RNF130: variants seen among roughly 807,000 people sequenced by gnomAD.
RNF130 encodes ring finger protein 130.
RNF130 carries 21 observed loss-of-function variants against 44.6 expected under a neutral mutation model. The ratio of observed to expected loss-of-function variants is 0.47; its 90% CI spans 0.33 to 0.68. The LOEUF (loss-of-function observed/expected upper bound fraction) is 0.68. RNF130 is among the 30% of genes least tolerant of loss of function. RNF130 has a pLI of 0.02. For synonymous variants in RNF130, 214 were observed against 210.4 expected (o/e 1.02, Z -0.15); for missense variants, 479 against 560.6 (o/e 0.85, Z 1.47).
chr5:179,988,633 T>C (rs1394693872), intron 3 of RNF130, among the ~76,000 whole-genome samples: 1 of 152,236 alleles, frequency 6.6e-6, no homozygotes, highest in African/African-American at 2.4e-5. Context: ...ACTTAAGAAA[T>C]ATCTCTTAAT....
At chr5:179,957,895 T>TG (rs1491280749) in intron 8 of RNF130, among the ~76,000 whole-genome samples, 1 of 135,458 alleles carries the variant, frequency 7.4e-6, no homozygotes, top group Non-Finnish European at 1.6e-5. Context: ...TTTTTTTTTT[T>TG]GAGACGGAGT....
intron 3 of RNF130, among the ~76,000 whole-genome samples, chr5:180,010,955 T>C (rs1763581262): frequency 6.6e-6 from 1 of 152,166 alleles, no homozygotes; most frequent in South Asian, 2.1e-4. Context: ...GTGGATTGCA[T>C]CCATGCCAAT....
At chr5:179,930,140 C>T (rs2113675308) in intron 7 of RNF130, among the ~76,000 whole-genome samples, 2 of 152,252 alleles carry the variant, frequency 1.3e-5, no homozygotes, top group Middle Eastern at 3.4e-3. Flanking sequence ...TCACTGCGAC[C>T]TCTGCCCCCC....
At chr5:180,038,041 G>A (rs1764288545) in intron 2 of RNF130, among the ~76,000 whole-genome samples, 1 of 152,094 alleles carries the variant, frequency 6.6e-6, no homozygotes, top group Non-Finnish European at 1.5e-5. Context: ...AAATAAAACA[G>A]GGTTTTTTGT....
chr5:180,042,646 C>A (rs77430120), intron 1 of RNF130, among the ~76,000 whole-genome samples: 1 of 152,150 alleles, frequency 6.6e-6, no homozygotes, highest in Non-Finnish European at 1.5e-5. Context: ...TGTATCCAAA[C>A]GGGGAATAAC....
In RNF130 at chr5:180,006,509, T is replaced by C. The variant is rs190909744; in HGVS notation, c.693+6552A>G. On this transcript the variant is annotated intron_variant, in intron 3 of 8. Coordinates refer to ENST00000521389, the MANE Select transcript of RNF130 (RefSeq NM_018434.6). ...CTGAGATACTTATAAAGTCAAAGAATATTATATACACATGTTATGGCAAGA... is the reference window on the plus strand; with the variant it reads ...CTGAGATACTTATAAAGTCAAAGAACATTATATACACATGTTATGGCAAGA... Among the ~76,000 whole-genome samples the C allele has an allele frequency of 1.2e-3, 185 of 152,318 alleles. 2 individuals carry two copies. Among genetic ancestry groups the C allele is most frequent in the Non-Finnish European group, 2.2e-3 (149 of 68,020 alleles).
At chr5:180,060,287 A>T (rs1489472802) in intron 1 of RNF130, among the ~76,000 whole-genome samples, 1 of 152,222 alleles carries the variant, frequency 6.6e-6, no homozygotes, top group Non-Finnish European at 1.5e-5. Flanking sequence ...CTGCGGCAAT[A>T]AGAAACTAAC....
chr5:179,928,517 C>T (rs577520326), intron 7 of RNF130, among the ~76,000 whole-genome samples: 15 of 152,140 alleles, frequency 9.9e-5, no homozygotes, highest in Admixed American at 3.3e-4. Flanking sequence ...GTTTCTTTTG[C>T]TCATTTTCCC....
intron 1 of RNF130, among the ~76,000 whole-genome samples, chr5:180,061,357 C>CT (rs1764981037): frequency 1.3e-5 from 2 of 152,326 alleles, no homozygotes; most frequent in South Asian, 4.1e-4. Flanking sequence ...GCTGGCAAAG[C>CT]TAACCCTGCA....
intron 7 of RNF130, among the ~76,000 whole-genome samples, chr5:179,966,253 T>C (rs1245183614): frequency 6.6e-6 from 1 of 152,128 alleles, no homozygotes; most frequent in African/African-American, 2.4e-5. Flanking sequence ...AGATTGTCCT[T>C]TGGCTTTTCT....
intron 7 of RNF130, among the ~76,000 whole-genome samples, chr5:179,935,608 A>G (rs1761878756): frequency 6.6e-6 from 1 of 152,106 alleles, no homozygotes; most frequent in African/African-American, 2.4e-5. Context: ...ACTTAAATCC[A>G]TAATTACATT....
At chr5:180,043,298 C>T (rs1764471636) in intron 1 of RNF130, among the ~76,000 whole-genome samples, 1 of 152,198 alleles carries the variant, frequency 6.6e-6, no homozygotes, top group Non-Finnish European at 1.5e-5. Flanking sequence ...GCACTCCAGC[C>T]TGGGTGACAG....
intron 2 of RNF130, among the ~76,000 whole-genome samples, chr5:180,032,536 T>TC (rs1206559895): frequency 6.6e-6 from 1 of 152,180 alleles, no homozygotes; most frequent in East Asian, 1.9e-4. Flanking sequence ...AGGCCCGGCT[T>TC]CTTTTTTTAA....
At chr5:179,930,483 T>G (rs1304237341) in intron 7 of RNF130, among the ~76,000 whole-genome samples, 1 of 152,268 alleles carries the variant, frequency 6.6e-6, no homozygotes, top group Non-Finnish European at 1.5e-5. Flanking sequence ...TCGTTTTCTC[T>G]GTGAAGAGTG....
chr5:179,980,064 C>A, intron 4 of RNF130, 65 bp downstream of exon 4: 1 of 1,363,110 alleles, frequency 7.3e-7, no homozygotes. Flanking sequence ...TGTGTCCTCT[C>A]CCACCAAACA....
intron 1 of RNF130, among the ~76,000 whole-genome samples, chr5:180,062,454 C>G (rs1254347688): frequency 6.6e-6 from 1 of 152,146 alleles, no homozygotes; most frequent in African/African-American, 2.4e-5. Context: ...TTAACACTAT[C>G]ACATTGGAAA....
chr5:179,928,356 G>T (rs1011804113), intron 7 of RNF130, among the ~76,000 whole-genome samples: 3 of 144,916 alleles, frequency 2.1e-5, no homozygotes, highest in Admixed American at 6.9e-5. Context: ...TGGATATTTT[G>T]TTTTTTTTTT....
At chr5:179,985,041 G>A (rs1463742245) in intron 3 of RNF130, among the ~76,000 whole-genome samples, 1 of 151,720 alleles carries the variant, frequency 6.6e-6, no homozygotes, top group Non-Finnish European at 1.5e-5. Context: ...GAACAACATG[G>A]AAACACCCAT....
intron 3 of RNF130, among the ~76,000 whole-genome samples, chr5:179,988,012 A>G (rs1762994000): frequency 6.6e-6 from 1 of 152,174 alleles, no homozygotes; most frequent in South Asian, 2.1e-4. Flanking sequence ...CTCTTCTTTC[A>G]TTTTTTGAAA....
Sources: gnomAD v4.1 joint callset for allele counts (sites outside exome capture counted in the v4.1 genomes callset) on GRCh38, gnomAD v4.1.1 for gene constraint, MANE v1.5 for transcripts, NCBI Gene and HGNC (gene_info 2026-07-23, HGNC 2026-07-21) for gene names.